REEP1: variants seen among roughly 807,000 people sequenced by gnomAD.
REEP1 encodes receptor expression-enhancing protein 1.
REEP1 carries 22 observed loss-of-function variants against 40.3 expected under a neutral mutation model. The ratio of observed to expected loss-of-function variants is 0.55; its 90% CI spans 0.39 to 0.78. REEP1 has a LOEUF of 0.78. REEP1 is among the 30% of genes least tolerant of loss of function. REEP1 has a pLI of 0.00. For synonymous variants in REEP1, 116 were observed against 139.2 expected (o/e 0.83, Z 1.17); for missense variants, 280 against 361.1 (o/e 0.78, Z 1.82).
chr2:86,241,755 A>G (rs1675676952), intron 5 of REEP1, among the ~76,000 whole-genome samples: 1 of 152,228 alleles, frequency 6.6e-6, no homozygotes, highest in Non-Finnish European at 1.5e-5. Flanking sequence ...TGAGGGTTCC[A>G]GCTGCTCCAG....
intron 1 of REEP1, among the ~76,000 whole-genome samples, chr2:86,321,116 G>A (rs115733648): frequency 0.015 from 2,346 of 152,144 alleles, 49 homozygotes; most frequent in African/African-American, 0.05. Context: ...CACCGCACCC[G>A]GCCAAAATGA....
At position 86,337,316 on chromosome 2, in the gene REEP1, C is replaced by T. The variant is rs1681094860; in HGVS notation, c.32+163G>A. ...AGCAGCCGCGTCCTGCGCCGCCCGT[C>T]CGCCCGCAGGCGTCCTCGGCGGCTA... On this transcript the variant is annotated intron_variant, in intron 1 of 8. Transcript: ENST00000538924. The surrounding 1 kb of genome is among the most constrained non-coding windows in gnomAD (Gnocchi z 5.8). 2.6e-6 allele frequency: 1 copy of T among 385,128 alleles called. No individual in the cohort carries two copies. The highest frequency in any genetic ancestry group is 4.9e-5 in the East Asian group (1 of 20,306). 23.9% of individuals were successfully genotyped at this position (385,128 alleles called of 1,614,324 possible).
chr2:86,245,416 G>T (rs1250103665), intron 5 of REEP1, among the ~76,000 whole-genome samples: 2 of 152,176 alleles, frequency 1.3e-5, no homozygotes, highest in East Asian at 1.9e-4. Context: ...AGACGTGCAG[G>T]CTCCTGGTTA....
At chr2:86,257,881 C>T (rs746286531) in intron 3 of REEP1, among the ~76,000 whole-genome samples, 2 of 152,140 alleles carry the variant, frequency 1.3e-5, no homozygotes, top group Non-Finnish European at 2.9e-5. Flanking sequence ...TCAGGTGATC[C>T]GCCCGCCTGG....
At chr2:86,270,904 T>TA (rs58652971) in intron 2 of REEP1, among the ~76,000 whole-genome samples, 5,768 of 150,040 alleles carry the variant, frequency 0.038, 221 homozygotes, top group East Asian at 0.21. Flanking sequence ...AAAATTTGAT[T>TA]AAAAAAAAAA....
At chr2:86,316,868 A>G (rs970221798) in intron 1 of REEP1, among the ~76,000 whole-genome samples, 1 of 152,184 alleles carries the variant, frequency 6.6e-6, no homozygotes, top group Non-Finnish European at 1.5e-5. Context: ...TCAAAAAAAT[A>G]ATAATAATAA....
At chr2:86,302,225 C>T (rs1415042153) in intron 1 of REEP1, among the ~76,000 whole-genome samples, 2 of 152,214 alleles carry the variant, frequency 1.3e-5, no homozygotes, top group African/African-American at 4.8e-5. Context: ...GAACACGGGC[C>T]CTTGTCACTG....
chr2:86,285,413 T>A (rs1678334873), intron 1 of REEP1, among the ~76,000 whole-genome samples: 1 of 152,206 alleles, frequency 6.6e-6, no homozygotes, highest in African/African-American at 2.4e-5. Flanking sequence ...AATAAAACAT[T>A]TAAAATAATA....
At chr2:86,244,845 T>C (rs1018969560) in intron 5 of REEP1, among the ~76,000 whole-genome samples, 1 of 152,192 alleles carries the variant, frequency 6.6e-6, no homozygotes, top group African/African-American at 2.4e-5. Context: ...AAATGAGGAC[T>C]TGAAATGGGG....
chr2:86,256,842 G>A (rs1676588735), intron 3 of REEP1, among the ~76,000 whole-genome samples: 1 of 152,152 alleles, frequency 6.6e-6, no homozygotes, highest in Non-Finnish European at 1.5e-5. Context: ...ACCTGTCCTA[G>A]TCTTAGAGAT....
intron 1 of REEP1, among the ~76,000 whole-genome samples, chr2:86,295,119 G>A (rs1678915563): frequency 6.6e-6 from 1 of 152,242 alleles, no homozygotes; most frequent in Non-Finnish European, 1.5e-5. Flanking sequence ...AATTCTGAGA[G>A]AATTTTCAGC....
chr2:86,306,608 T>C (rs942398181), intron 1 of REEP1, among the ~76,000 whole-genome samples: 2 of 152,322 alleles, frequency 1.3e-5, no homozygotes, highest in African/African-American at 4.8e-5. Flanking sequence ...TGTAACCTTA[T>C]CAAATGAAAG....
chr2:86,264,103 C>G (rs1445517880), intron 2 of REEP1, 62 bp from the exon 3 acceptor site: 36 of 1,256,448 alleles, frequency 2.9e-5, no homozygotes, highest in Non-Finnish European at 4.0e-5. Flanking sequence ...TGCCCAACAC[C>G]AGGAAGAACA....
intron 3 of REEP1, among the ~76,000 whole-genome samples, chr2:86,262,527 G>A (rs1184355482): frequency 6.6e-6 from 1 of 152,238 alleles, no homozygotes; most frequent in African/African-American, 2.4e-5. Flanking sequence ...TGAAAGCTAT[G>A]TTGTGGGGAA....
intron 4 of REEP1, among the ~76,000 whole-genome samples, chr2:86,253,171 C>T (rs950062808): frequency 2.6e-5 from 4 of 152,266 alleles, no homozygotes; most frequent in Non-Finnish European, 5.9e-5. Context: ...GTCCCAGCTA[C>T]CTGGGAGGCT....
chr2:86,311,052 A>G (rs998154322), intron 1 of REEP1, among the ~76,000 whole-genome samples: 1 of 152,118 alleles, frequency 6.6e-6, no homozygotes. Flanking sequence ...GGGAGGGAGG[A>G]GAGATGGCAC....
At chr2:86,225,842 C>G (rs986441179) in intron 7 of REEP1, among the ~76,000 whole-genome samples, 9 of 152,214 alleles carry the variant, frequency 5.9e-5, no homozygotes, top group Non-Finnish European at 1.3e-4. Flanking sequence ...AAGGCAGCTT[C>G]TCTATGGGGA....
At chr2:86,253,965 T>C (rs1338969094) in intron 4 of REEP1, among the ~76,000 whole-genome samples, 1 of 152,144 alleles carries the variant, frequency 6.6e-6, no homozygotes, top group African/African-American at 2.4e-5. Flanking sequence ...TCTAAGACAA[T>C]TAAAGGAAGC....
chr2:86,332,720 C>T (rs1680834024), intron 1 of REEP1, among the ~76,000 whole-genome samples: 1 of 152,252 alleles, frequency 6.6e-6, no homozygotes, highest in Non-Finnish European at 1.5e-5. Flanking sequence ...AAAGCTACTT[C>T]TCAGCAGACA....
Sources: allele counts gnomAD v4.1 joint callset (sites outside exome capture counted in the v4.1 genomes callset), GRCh38; gene constraint gnomAD v4.1.1; non-coding constraint Gnocchi (gnomAD v3.1); transcripts MANE v1.5; gene names NCBI Gene and HGNC (gene_info 2026-07-23, HGNC 2026-07-21).